TTC1: variants seen among roughly 807,000 people sequenced by gnomAD.
TTC1 encodes the protein tetratricopeptide repeat protein 1.
In TTC1, 31 loss-of-function variants were observed where a neutral mutation model predicts 37.6. The ratio of observed to expected loss-of-function variants is 0.82; its 90% CI spans 0.62 to 1.11. The LOEUF is 1.11. Ranked by LOEUF, TTC1 falls within the 50% of genes most tolerant of loss-of-function variation. The pLI, the probability that TTC1 is intolerant of heterozygous loss-of-function variation, is 0.00. For missense variants in TTC1, 351 were observed against 339.0 expected, an observed-to-expected ratio of 1.04 and a Z score of -0.28; for synonymous variants, 127 against 122.4, an observed-to-expected ratio of 1.04 and a Z score of -0.25.
chr5:160,032,555 A>G (rs1376849133), intron 2 of TTC1, among the ~76,000 whole-genome samples: 1 of 152,082 alleles, frequency 6.6e-6, no homozygotes, highest in East Asian at 1.9e-4. Context: ...GCTTCTGACC[A>G]AGATCTTAAA....
intron 5 of TTC1, among the ~76,000 whole-genome samples, chr5:160,048,126 CTTTTTTTTTTTTTTTTTTTT>C (rs56201199): frequency 5.6e-5 from 2 of 35,538 alleles, no homozygotes; most frequent in East Asian, 2.2e-3. Flanking sequence ...CAAGACATTG[CTTTTTTTTTTTTTTTTTTTT>C]TTTTTTTTTT....
rs1753573582 is a variant in TTC1 at position 160,065,326 on chromosome 5, G to A, written c.*261G>A. ...CCGATTCTGGCTGTCCTATGTCCAG[G>A]AAGAAGCCCATTTGTTGAGGCTGAC... On this transcript the variant is annotated 3_prime_UTR_variant, in exon 8 of 8. Coordinates refer to ENST00000231238, the MANE Select transcript of TTC1 (RefSeq NM_003314.3). 1.7e-6 allele frequency: 1 copy of A among 592,368 alleles called. No homozygotes were observed. The highest frequency in any genetic ancestry group is 3.8e-5 in the East Asian group (1 of 26,000). The allele number at this position is 592,368 out of a possible 1,614,324, so 36.7% of individuals were successfully genotyped here.
intron 2 of TTC1, among the ~76,000 whole-genome samples, chr5:160,029,877 C>G (rs919893758): frequency 7.9e-5 from 12 of 152,120 alleles, no homozygotes; most frequent in Non-Finnish European, 1.8e-4. Context: ...GAACTCAGTA[C>G]CTGGAGCATA....
chr5:160,022,543 T>C (rs1756729541), intron 2 of TTC1, among the ~76,000 whole-genome samples: 1 of 152,236 alleles, frequency 6.6e-6, no homozygotes, highest in Non-Finnish European at 1.5e-5. Flanking sequence ...GAGTTTTAGC[T>C]CATTGAATGA....
intron 5 of TTC1, among the ~76,000 whole-genome samples, chr5:160,049,294 A>C (rs1757339789): frequency 6.6e-6 from 1 of 152,198 alleles, no homozygotes; most frequent in African/African-American, 2.4e-5. Context: ...CAATAGTATC[A>C]TTGAGGAGCT....
At chr5:160,060,079 T>A (rs1757658853) in intron 7 of TTC1, among the ~76,000 whole-genome samples, 1 of 152,234 alleles carries the variant, frequency 6.6e-6, no homozygotes, top group Non-Finnish European at 1.5e-5. Context: ...GGAGAAAAGC[T>A]AGAGTTAGCT....
rs1757589765 is a variant in TTC1, at chr5:160,058,026, C to T, written c.745+6843C>T. Among the ~76,000 whole-genome samples, 3 of 152,304 alleles carry T rather than the reference C, an allele frequency of 2.0e-5. No individual in the cohort carries two copies. In the South Asian group the frequency reaches 6.2e-4, roughly 32 times the overall value. On this transcript the variant is annotated intron_variant, in intron 7 of 7. Transcript: ENST00000231238. ...AGGTGATTGGCCTGCCTCAGCCTCC[C>T]AAAGTGCTGGGATTATAGGCGTGAG...
chr5:160,016,246 T>C (rs557573912), intron 2 of TTC1, among the ~76,000 whole-genome samples: 3 of 152,102 alleles, frequency 2.0e-5, no homozygotes, highest in Non-Finnish European at 4.4e-5. Flanking sequence ...GGTATGGCGG[T>C]GCACACCTAT....
At chr5:160,013,347 A>G (rs991273264) in intron 2 of TTC1, among the ~76,000 whole-genome samples, 3 of 152,128 alleles carry the variant, frequency 2.0e-5, no homozygotes, top group Non-Finnish European at 2.9e-5. Flanking sequence ...GAAACAGGAT[A>G]GTGTTATATT....
intron 3 of TTC1, 43 bp from the exon 4 acceptor site, chr5:160,036,648 G>A: frequency 7.5e-7 from 1 of 1,337,214 alleles, no homozygotes; most frequent in Non-Finnish European, 1.1e-6. Flanking sequence ...GTAGTATCAG[G>A]AATAAAATCA....
chr5:160,042,656 G>C (rs1387324757), intron 4 of TTC1, among the ~76,000 whole-genome samples: 2 of 152,158 alleles, frequency 1.3e-5, no homozygotes, highest in Non-Finnish European at 2.9e-5. Flanking sequence ...ATAAATTAAG[G>C]TTTATAACTG....
At chr5:160,050,973 T>TC (rs1236333745) in intron 6 of TTC1, among the ~76,000 whole-genome samples, 156 bp from the exon 7 acceptor site, 5 of 94,540 alleles carry the variant, frequency 5.3e-5, no homozygotes, top group South Asian at 3.4e-4. Flanking sequence ...CATAAATACT[T>TC]GGGGTTTTTT....
intron 7 of TTC1, among the ~76,000 whole-genome samples, chr5:160,055,765 C>T (rs900354132): frequency 2.6e-5 from 4 of 152,192 alleles, no homozygotes; most frequent in African/African-American, 4.8e-5. Context: ...CTAAGAGGGG[C>T]GTTCAGCTCT....
intron 2 of TTC1, among the ~76,000 whole-genome samples, chr5:160,012,222 A>C (rs1190478659): frequency 6.6e-6 from 1 of 152,164 alleles, no homozygotes; most frequent in Non-Finnish European, 1.5e-5. Flanking sequence ...AAATTATATT[A>C]ATTTTCTAGT....
chr5:160,028,349 T>C (rs1756847060), intron 2 of TTC1, among the ~76,000 whole-genome samples: 2 of 151,834 alleles, frequency 1.3e-5, no homozygotes, highest in Admixed American at 1.3e-4. Flanking sequence ...AGATATTTGT[T>C]CTGTTCTTCT....
rs765391613 is a variant in TTC1 at position 160,010,772 on chromosome 5, A to G, written c.244A>G (p.Lys82Glu). Residue 82 changes from lysine to glutamate, a missense_variant, in exon 2 of 8, where the codon AAA becomes GAA. Transcript: ENST00000231238. ...EEPGADKVEN[K>E]SNEDVNSSEL... Reference sequence around the variant, plus strand: ...GCCAGGAGCGGACAAGGTTGAGAACAAATCTAATGAAGATGTGAATTCCTC... The same window carrying G: ...GCCAGGAGCGGACAAGGTTGAGAACGAATCTAATGAAGATGTGAATTCCTC... 1.2e-5 allele frequency: 19 copies of G among 1,614,110 alleles called. 1 individual carries two copies. The Admixed American group carries it at 1.8e-4, about 16-fold the overall frequency.
chr5:160,041,389 C>G (rs1224113688), intron 4 of TTC1, among the ~76,000 whole-genome samples: 2 of 150,632 alleles, frequency 1.3e-5, no homozygotes, highest in Non-Finnish European at 2.9e-5. Context: ...CAGCTCACTG[C>G]AACCTCTGCC....
chr5:160,036,941 C>G, intron 4 of TTC1, 138 bp downstream of exon 4: 1 of 580,346 alleles, frequency 1.7e-6, no homozygotes, highest in Non-Finnish European at 3.1e-6. Flanking sequence ...GTAAAGGCCA[C>G]AGGGAGAATA....
intron 7 of TTC1, among the ~76,000 whole-genome samples, chr5:160,056,105 G>C (rs1757539604): frequency 6.6e-6 from 1 of 152,142 alleles, no homozygotes; most frequent in Admixed American, 6.5e-5. Flanking sequence ...GAGCTGCCAG[G>C]TGCCTATCCC....
Sources: gnomAD v4.1 joint callset for allele counts (sites outside exome capture counted in the v4.1 genomes callset) on GRCh38, gnomAD v4.1.1 for gene constraint, MANE v1.5 for transcripts, NCBI Gene and HGNC (gene_info 2026-07-23, HGNC 2026-07-21) for gene names.